NHEJ1: variants seen among roughly 807,000 people sequenced by gnomAD.
NHEJ1 encodes non-homologous end joining factor 1.
NHEJ1 carries 22 observed loss-of-function variants against 39.4 expected under a neutral mutation model. The observed-to-expected ratio is 0.56, with a 90% confidence interval of 0.40 to 0.80. The LOEUF (loss-of-function observed/expected upper bound fraction) is 0.80, where lower values mean the gene tolerates loss of function less well. Among genes scored for constraint, NHEJ1 ranks in the 30% least tolerant of loss-of-function variants. The pLI is 0.00. For synonymous variants in NHEJ1, 154 were observed against 135.6 expected (o/e 1.14, Z -0.94); for missense variants, 329 against 357.1 (o/e 0.92, Z 0.63).
chr2:219,139,822 G>C (rs1359800210), intron 5 of NHEJ1, among the ~76,000 whole-genome samples: 2 of 152,222 alleles, frequency 1.3e-5, no homozygotes, highest in Non-Finnish European at 2.9e-5. Context: ...TAGGACTACA[G>C]GCGCCTGCCA....
At chr2:219,138,676 A>T (rs1334161352) in intron 5 of NHEJ1, among the ~76,000 whole-genome samples, 1 of 152,248 alleles carries the variant, frequency 6.6e-6, no homozygotes, top group Non-Finnish European at 1.5e-5. Context: ...ATAATAAAAT[A>T]AGTAAATTTT....
In NHEJ1 at chr2:219,109,622, C is replaced by T. The variant is rs181529833; in HGVS notation, c.589-31416G>A. ...CCATTCACAATGCAGGCAGACTCTGCGTGCTGGAGGCGGGCTGGTGTCTGG... is the reference window on the plus strand; with the variant it reads ...CCATTCACAATGCAGGCAGACTCTGTGTGCTGGAGGCGGGCTGGTGTCTGG... On this transcript the variant is annotated intron_variant, in intron 5 of 7. Transcript: ENST00000356853. Among the ~76,000 whole-genome samples, 62 of 152,178 alleles carry T rather than the reference C, an allele frequency of 4.1e-4. 1 individual carries two copies. The East Asian group carries it at 0.011, about 27-fold the overall frequency.
At chr2:219,159,571 A>G (rs1559206316) in intron 1 of NHEJ1, among the ~76,000 whole-genome samples, 1 of 14,690 alleles carries the variant, frequency 6.8e-5, no homozygotes, top group Non-Finnish European at 5.8e-4. Context: ...ATGCATATAT[A>G]TATGCATATA....
At chr2:219,130,952 C>T (rs1430028564) in intron 5 of NHEJ1, among the ~76,000 whole-genome samples, 1 of 152,002 alleles carries the variant, frequency 6.6e-6, no homozygotes, top group African/African-American at 2.4e-5. Flanking sequence ...ATCAGCTAGG[C>T]ATGGTGGTAC....
intron 5 of NHEJ1, among the ~76,000 whole-genome samples, chr2:219,138,295 T>C (rs979765697): frequency 2.0e-5 from 3 of 152,206 alleles, no homozygotes; most frequent in Non-Finnish European, 4.4e-5. Flanking sequence ...GATTTCTCAA[T>C]AATAAAAGAT....
intron 5 of NHEJ1, among the ~76,000 whole-genome samples, chr2:219,100,671 T>C (rs962240885): frequency 6.7e-6 from 1 of 150,018 alleles, no homozygotes; most frequent in African/African-American, 2.5e-5. Context: ...TCTGATCTAG[T>C]GCTTATACAC....
chr2:219,103,233 A>G (rs1191938411), intron 5 of NHEJ1, among the ~76,000 whole-genome samples: 1 of 151,036 alleles, frequency 6.6e-6, no homozygotes, highest in African/African-American at 2.4e-5. Flanking sequence ...CATTGAACCA[A>G]GAGGATACTA....
chr2:219,160,664 C>T lies in NHEJ1; in HGVS notation c.-1+56G>A, dbSNP rs560081534. 4 of 152,436 alleles carry T rather than the reference C, an allele frequency of 2.6e-5. No individual in the cohort carries two copies. The East Asian group carries it at 7.7e-4, about 29-fold the overall frequency. The allele number at this position is 152,436 out of a possible 1,614,324, so 9.4% of individuals were successfully genotyped here. On this transcript the variant is annotated intron_variant, in intron 1 of 7. Transcript: ENST00000356853. ...CAGCGCCAGGGCCAACCCGCAGCGT[C>T]TGAGCAGCCCCTCGCTGGCTTGCTC...
rs59222290 is a variant in NHEJ1, at chr2:219,070,998, G to C, written c.*5383C>G. On this transcript the variant is annotated 3_prime_UTR_variant, in exon 8 of 8. Transcript: ENST00000356853. ...CGTGACAGGACGCCCTGAAATCCCC[G>C]CTAGGCAACAATGCTAAATGAAACT... Among the ~76,000 whole-genome samples, 2,455 of 152,180 alleles carry C rather than the reference G, an allele frequency of 0.016. 70 individuals are homozygous for C. Among genetic ancestry groups the C allele is most frequent in the African/African-American group, 0.056 (2,319 of 41,518 alleles).
chr2:219,140,019 C>T (rs763053060), intron 5 of NHEJ1, among the ~76,000 whole-genome samples: 1 of 152,212 alleles, frequency 6.6e-6, no homozygotes, highest in South Asian at 2.1e-4. Context: ...ATTTGTTACA[C>T]AGCAATGGAT....
rs1445523492 is a variant in NHEJ1 at position 219,071,609 on chromosome 2, G to C, written c.*4772C>G. 6.6e-6 allele frequency among the ~76,000 whole-genome samples: 1 copy of C among 152,194 alleles called. No individual in the cohort carries two copies. Among genetic ancestry groups the C allele is most frequent in the African/African-American group, 2.4e-5 (1 of 41,434 alleles). On this transcript the variant is annotated 3_prime_UTR_variant, in exon 8 of 8. Coordinates refer to ENST00000356853, the MANE Select transcript of NHEJ1 (RefSeq NM_024782.3). ...ACTCCCCAATTCTAACTCTGCTACT[G>C]TTTTGGGCCCCAGAGTAAGGGCAGA...
chr2:219,098,749 G>A (rs563126992), intron 5 of NHEJ1, among the ~76,000 whole-genome samples: 8 of 152,196 alleles, frequency 5.3e-5, no homozygotes, highest in Admixed American at 4.6e-4. Context: ...CCAGAAGTTC[G>A]AGACTAGCCT....
At chr2:219,115,077 T>C (rs1029424244) in intron 5 of NHEJ1, among the ~76,000 whole-genome samples, 2 of 151,996 alleles carry the variant, frequency 1.3e-5, no homozygotes, top group Non-Finnish European at 2.9e-5. Flanking sequence ...CCCGGTCTTC[T>C]AGGAGGTTGG....
chr2:219,145,336 C>A (rs1180176182), intron 5 of NHEJ1, among the ~76,000 whole-genome samples: 1 of 152,218 alleles, frequency 6.6e-6, no homozygotes, highest in Non-Finnish European at 1.5e-5. Context: ...AGTACCTGGA[C>A]TGAGCACCTA....
chr2:219,112,190 G>A (rs1203276352), intron 5 of NHEJ1, among the ~76,000 whole-genome samples: 1 of 152,202 alleles, frequency 6.6e-6, no homozygotes. Flanking sequence ...GTCAAAGCAA[G>A]AGTCATAAGG....
rs1367625773 is a variant in NHEJ1 at position 219,073,138 on chromosome 2, T to C, written c.*3243A>G. ...TCCTTCCCCCAGTGCTCACTGTGGG[T>C]GCGCTACACCAGGCCTGTGGAAGGA... On this transcript the variant is annotated 3_prime_UTR_variant, in exon 8 of 8. Coordinates refer to ENST00000356853, the MANE Select transcript of NHEJ1 (RefSeq NM_024782.3). 2.0e-5 allele frequency among the ~76,000 whole-genome samples: 3 copies of C among 152,076 alleles called. No individual in the cohort carries two copies. The highest frequency in any genetic ancestry group is 2.0e-4 in the Admixed American group (3 of 15,258).
chr2:219,089,620 A>C (rs73991027), intron 5 of NHEJ1, among the ~76,000 whole-genome samples: 6,677 of 152,252 alleles, frequency 0.044, 513 homozygotes, highest in African/African-American at 0.15. Context: ...TATGGCATTT[A>C]TTTTTGGGGT....
chr2:219,131,263 G>A (rs935344258), intron 5 of NHEJ1, among the ~76,000 whole-genome samples: 21 of 152,146 alleles, frequency 1.4e-4, no homozygotes, highest in South Asian at 2.1e-4. Context: ...TATACATTGC[G>A]GGGGTCACCA....
Position 219,151,322 on chromosome 2 carries a change from TC to T in NHEJ1, c.391-3528del, listed in dbSNP as rs962071515. On this transcript the variant is annotated intron_variant, in intron 3 of 7. Coordinates refer to ENST00000356853, the MANE Select transcript of NHEJ1 (RefSeq NM_024782.3). ...GAAACTCCTAAATTAATAACCAGCT[TC>T]CCTCTGGATGGCTACCTCAATAGCA... 1.5e-4 allele frequency among the ~76,000 whole-genome samples: 23 copies of T among 152,174 alleles called. 1 individual carries two copies. Among genetic ancestry groups the T allele is most frequent in the African/African-American group, 5.1e-4 (21 of 41,510 alleles).
Sources: gnomAD v4.1 joint callset for allele counts (sites outside exome capture counted in the v4.1 genomes callset) on GRCh38, gnomAD v4.1.1 for gene constraint, MANE v1.5 for transcripts, NCBI Gene and HGNC (gene_info 2026-07-23, HGNC 2026-07-21) for gene names.